Variants in AHCTF1 observed in about 807,000 individuals in gnomAD.
AHCTF1 encodes protein ELYS.
A neutral mutation model predicts 248.4 loss-of-function variants in AHCTF1; 24 were observed. The ratio of observed to expected loss-of-function variants is 0.10; its 90% CI spans 0.07 to 0.14. AHCTF1 has a LOEUF of 0.14. Among genes scored for constraint, AHCTF1 ranks in the 10% least tolerant of loss-of-function variants. The probability of loss-of-function intolerance (pLI) is 1.00; values close to 1 mark genes in which losing one functional copy is unlikely to be tolerated. For missense variants in AHCTF1, 2,206 were observed against 2,636.2 expected, an observed-to-expected ratio of 0.84 and a Z score of 3.57; for synonymous variants, 786 against 929.8, an observed-to-expected ratio of 0.85 and a Z score of 2.81.
chr1:246,918,233 A>G lies in AHCTF1; in HGVS notation c.121+17T>C. On this transcript the variant is annotated intron_variant, in intron 2 of 35. Coordinates refer to ENST00000648844, the MANE Select transcript of AHCTF1 (RefSeq NM_001323342.2). ...AAATCAATTGTATTAGTAAATGTTC[A>G]GTGACATTATGTTTACCTGCAGCAA... 1 of 1,597,528 alleles carries G rather than the reference A, an allele frequency of 6.3e-7. No homozygotes were observed. Among genetic ancestry groups the G allele is most frequent in the Admixed American group, 1.7e-5 (1 of 58,214 alleles).
At chr1:246,886,257 G>A (rs1663812017) in intron 20 of AHCTF1, among the ~76,000 whole-genome samples, 1 of 152,158 alleles carries the variant, frequency 6.6e-6, no homozygotes, top group Non-Finnish European at 1.5e-5. Flanking sequence ...CTTGAACCCA[G>A]GAGGCACAGG....
Position 246,864,150 on chromosome 1 carries a change from T to C in AHCTF1, c.3348-34A>G, listed in dbSNP as rs1320448864. 5 of 1,587,432 alleles carry C rather than the reference T, an allele frequency of 3.1e-6. 1 individual carries two copies. In the South Asian group the frequency reaches 3.4e-5, roughly 11 times the overall value. The stretch of plus-strand genomic sequence containing the variant: ...AGAATGCGCATTTATTGAGTTATAC[T>C]GAAAAAACAAAAGAATTTAGTATCC... On this transcript the variant is annotated intron_variant, in intron 26 of 35. Coordinates refer to ENST00000648844, the MANE Select transcript of AHCTF1 (RefSeq NM_001323342.2).
At chr1:246,918,431 C>G (rs1666298715) in intron 1 of AHCTF1, 54 bp from the exon 2 acceptor site, 1 of 1,484,570 alleles carries the variant, frequency 6.7e-7, no homozygotes, top group Admixed American at 2.2e-5. Flanking sequence ...AGACAATATA[C>G]TTGATTATGT....
chr1:246,880,876 A>G (rs78518852), intron 21 of AHCTF1, among the ~76,000 whole-genome samples: 2,798 of 152,290 alleles, frequency 0.018, 95 homozygotes, highest in African/African-American at 0.064. Context: ...AGGAAGAACA[A>G]TAAGAAAATT....
intron 12 of AHCTF1, among the ~76,000 whole-genome samples, chr1:246,897,712 G>A (rs1415544526): frequency 6.6e-6 from 1 of 152,112 alleles, no homozygotes; most frequent in Non-Finnish European, 1.5e-5. Flanking sequence ...TGGGCAAGGT[G>A]GCTCATGCCT....
intron 4 of AHCTF1, among the ~76,000 whole-genome samples, chr1:246,908,830 A>C (rs530814285): frequency 5.6e-4 from 85 of 151,350 alleles, no homozygotes; most frequent in African/African-American, 2.0e-3. Context: ...TCCGGGAGGC[A>C]GAGCTTGCCG....
chr1:246,840,965 A>T lies in AHCTF1; in HGVS notation c.6642T>A (p.Pro2214=). Reference sequence around the variant, plus strand: ...GGGAAATCAGCCGAATTTCTATGGGAGGAGGTGACCAAGCACTTTCTTTTT... The same window carrying T: ...GGGAAATCAGCCGAATTTCTATGGGTGGAGGTGACCAAGCACTTTCTTTTT... The part of the protein sequence containing the change: ...NTEKESAWSP[P]PIEIRLISPL... Residue 2214 remains proline, a synonymous_variant, in exon 36 of 36, where the codon CCT becomes CCA. Coordinates refer to ENST00000648844, the MANE Select transcript of AHCTF1 (RefSeq NM_001323342.2). 6.2e-7 allele frequency: 1 copy of T among 1,610,896 alleles called. No individual in the cohort carries two copies. Among genetic ancestry groups the T allele is most frequent in the Non-Finnish European group, 8.5e-7 (1 of 1,179,092 alleles).
Position 246,839,404 on chromosome 1 carries a change from T to G in AHCTF1, c.*1402A>C, listed in dbSNP as rs535304313. On this transcript the variant is annotated 3_prime_UTR_variant, in exon 36 of 36. Coordinates refer to ENST00000648844, the MANE Select transcript of AHCTF1 (RefSeq NM_001323342.2). ...CTCTTTATTCATTTAACAAGTTCAT[T>G]TAAATAAGTTCAATATTCCATAAAT... 26 of 314,286 alleles carry G rather than the reference T, an allele frequency of 8.3e-5. No homozygotes were observed. The highest frequency in any genetic ancestry group is 1.1e-4 in the Non-Finnish European group (24 of 216,594). 19.5% of individuals were successfully genotyped at this position (314,286 alleles called of 1,614,324 possible).
rs1406837162 is a variant in AHCTF1 at position 246,913,697 on chromosome 1, G to C, written c.376-285C>G. Among the ~76,000 whole-genome samples, 4 of 152,172 alleles carry C rather than the reference G, an allele frequency of 2.6e-5. No individual in the cohort carries two copies. The East Asian group carries it at 7.7e-4, about 29-fold the overall frequency. On this transcript the variant is annotated intron_variant, in intron 3 of 35. Transcript: ENST00000648844. ...GTTACCTGGCTCATTCAATGTTCAT[G>C]ACAATGCTTTGATAGTAGACTATGT...
Position 246,888,378 on chromosome 1 carries a change from A to T in AHCTF1, c.2268+16T>A. The stretch of plus-strand genomic sequence containing the variant: ...CTTTGTAGACTCTAAATGATAGCAC[A>T]TTACTGCAAACCTACATGCAGACTA... On this transcript the variant is annotated intron_variant, in intron 18 of 35. Transcript: ENST00000648844. 1 of 1,612,806 alleles carries T rather than the reference A, an allele frequency of 6.2e-7. No homozygotes were observed.
chr1:246,845,697 G>A (rs1237572945), intron 33 of AHCTF1, among the ~76,000 whole-genome samples: 1 of 152,130 alleles, frequency 6.6e-6, no homozygotes, highest in Non-Finnish European at 1.5e-5. Flanking sequence ...GCACAGATGA[G>A]ACTTTCTTGA....
intron 21 of AHCTF1, among the ~76,000 whole-genome samples, chr1:246,884,533 G>A (rs1322759581): frequency 6.6e-6 from 1 of 152,088 alleles, no homozygotes; most frequent in Non-Finnish European, 1.5e-5. Flanking sequence ...CAGTAAAAGT[G>A]GTATAAAATA....
intron 1 of AHCTF1, among the ~76,000 whole-genome samples, chr1:246,919,170 A>C (rs558696949): frequency 2.6e-5 from 4 of 152,312 alleles, no homozygotes; most frequent in East Asian, 3.9e-4. Flanking sequence ...CCCTGATCTT[A>C]TTCTGGGCAC....
Position 246,861,939 on chromosome 1 carries a change from C to T in AHCTF1, c.3735+20G>A, listed in dbSNP as rs574231838. On this transcript the variant is annotated intron_variant, in intron 28 of 35. Transcript: ENST00000648844. ...TTCTTATTAAAAAATGTCTTTTCTC[C>T]CAATTATTATCAAACTTACCCCAGG... 1.3e-6 allele frequency: 2 copies of T among 1,586,690 alleles called. No homozygotes were observed. Among genetic ancestry groups the T allele is most frequent in the Non-Finnish European group, 8.6e-7 (1 of 1,164,138 alleles).
chr1:246,859,616 C>A (rs1367576548), intron 29 of AHCTF1, among the ~76,000 whole-genome samples: 1 of 152,130 alleles, frequency 6.6e-6, no homozygotes, highest in Non-Finnish European at 1.5e-5. Flanking sequence ...CTTGCCTGGG[C>A]TGGAGTTCAG....
chr1:246,898,283 A>C lies in AHCTF1; in HGVS notation c.1548T>G (p.Asp516Glu). Reference sequence around the variant, plus strand: ...CAGCTACAAGACATCGATTATAACCATCAGGAATGAGTTCATTGAGTGATG... The same window carrying C: ...CAGCTACAAGACATCGATTATAACCCTCAGGAATGAGTTCATTGAGTGATG... ...SGPSLNELIP[D>E]GYNRCLVAGL... The change falls in exon 12 of 36, where the codon GAT (aspartate) becomes GAG (glutamate). Residue 516 changes from aspartate (D) to glutamate (E), a missense_variant. Transcript: ENST00000648844. The C allele has an allele frequency of 6.2e-7, 1 of 1,613,136 alleles. No individual in the cohort carries two copies. The highest frequency in any genetic ancestry group is 8.5e-7 in the Non-Finnish European group (1 of 1,179,976).
intron 34 of AHCTF1, 24 bp downstream of exon 34, chr1:246,843,771 C>G: frequency 7.4e-7 from 1 of 1,350,602 alleles, no homozygotes; most frequent in Non-Finnish European, 9.6e-7. Context: ...AACAAACATA[C>G]AAATAAAATC....
At chr1:246,882,956 C>T (rs190953927) in intron 21 of AHCTF1, among the ~76,000 whole-genome samples, 6 of 152,134 alleles carry the variant, frequency 3.9e-5, no homozygotes, top group African/African-American at 7.2e-5. Flanking sequence ...AAAGTGGCAT[C>T]GTTTAGATTT....
chr1:246,878,327 G>A (rs1663128480), intron 21 of AHCTF1, among the ~76,000 whole-genome samples: 1 of 133,064 alleles, frequency 7.5e-6, no homozygotes, highest in Admixed American at 8.9e-5. Flanking sequence ...ATCCTAGGAG[G>A]TCAAGGCTGC....
Sources: gnomAD v4.1 joint callset for allele counts (sites outside exome capture counted in the v4.1 genomes callset) on GRCh38, gnomAD v4.1.1 for gene constraint, MANE v1.5 for transcripts, NCBI Gene and HGNC (gene_info 2026-07-23, HGNC 2026-07-21) for gene names.